E2F7: variants seen among roughly 807,000 people sequenced by gnomAD.
E2F7 encodes the protein E2F transcription factor 7, also known as transcription factor E2F7.
E2F7 carries 35 observed loss-of-function variants against 81.1 expected under a neutral mutation model. That is an observed-to-expected ratio of 0.43 (90% CI 0.33 to 0.57). E2F7 has a LOEUF of 0.57. Among genes scored for constraint, E2F7 ranks in the 20% least tolerant of loss-of-function variants. E2F7 has a pLI of 0.04. For missense variants in E2F7, 961 were observed against 1,093.7 expected, an observed-to-expected ratio of 0.88 and a Z score of 1.71; for synonymous variants, 416 against 416.2, an observed-to-expected ratio of 1.00 and a Z score of 0.01.
intron 5 of E2F7, among the ~76,000 whole-genome samples, chr12:77,045,374 G>A (rs558768637): frequency 1.3e-5 from 2 of 152,264 alleles, no homozygotes; most frequent in Admixed American, 6.5e-5. Flanking sequence ...TGTCTTCTCT[G>A]GTTATTAAGA....
In E2F7 at chr12:77,021,349, C is replaced by T. The variant is rs1399776270; in HGVS notation, c.*2666G>A. On this transcript the variant is annotated 3_prime_UTR_variant, in exon 13 of 13. Coordinates refer to ENST00000322886, the MANE Select transcript of E2F7 (RefSeq NM_203394.3). ...ACAAAAAATCAGTTTACATGTAGTA[C>T]AGTTACAAGTAAATAGCTATAGATA... is the stretch of plus-strand genomic sequence containing the variant. 1 of 152,320 alleles carries T rather than the reference C, an allele frequency of 6.6e-6. No individual in the cohort carries two copies. Among genetic ancestry groups the T allele is most frequent in the Non-Finnish European group, 1.5e-5 (1 of 67,994 alleles). 9.4% of individuals were successfully genotyped at this position (152,320 alleles called of 1,614,324 possible).
chr12:77,050,439 A>C, intron 4 of E2F7, 137 bp downstream of exon 4: 1 of 835,160 alleles, frequency 1.2e-6, no homozygotes, highest in Middle Eastern at 2.6e-4. Context: ...TTTGACGATG[A>C]CAAAGGAAGC....
At chr12:77,033,337 AC>A (rs1319939815) in intron 8 of E2F7, among the ~76,000 whole-genome samples, 1 of 151,820 alleles carries the variant, frequency 6.6e-6, no homozygotes, top group Non-Finnish European at 1.5e-5. Flanking sequence ...ACACAGGGAG[AC>A]CCCGTCTCTA....
intron 7 of E2F7, among the ~76,000 whole-genome samples, chr12:77,036,125 G>T (rs1954848023): frequency 6.6e-6 from 1 of 152,094 alleles, no homozygotes; most frequent in African/African-American, 2.4e-5. Context: ...TTAAGTAATG[G>T]CCGAAAATTT....
intron 2 of E2F7, among the ~76,000 whole-genome samples, chr12:77,060,333 A>G (rs1955068369): frequency 1.3e-5 from 2 of 152,136 alleles, no homozygotes; most frequent in African/African-American, 4.8e-5. Flanking sequence ...CAGAAGGTAA[A>G]AGCACTCTGT....
chr12:77,043,693 A>T (rs1315968171), intron 6 of E2F7, among the ~76,000 whole-genome samples: 2 of 152,122 alleles, frequency 1.3e-5, no homozygotes, highest in East Asian at 3.9e-4. Context: ...GTACAACTGT[A>T]CTAAAGACAG....
At position 77,023,811 on chromosome 12, in the gene E2F7, CAG is replaced by C. The variant is rs1414889430; in HGVS notation, c.*202_*203del. 5.1e-6 allele frequency: 3 copies of C among 590,212 alleles called. No homozygotes were observed. The highest frequency in any genetic ancestry group is 8.5e-6 in the Non-Finnish European group (3 of 352,214). The allele number at this position is 590,212 out of a possible 1,614,324, so 36.6% of individuals were successfully genotyped here. A position where few individuals can be genotyped will look rare whatever the true frequency, so the allele number is the denominator to read the frequency against. ...TCGGCGCTTTCACTGTGACACCATG[CAG>C]AGTCGGAACTCTAACTGGTATTAAA... is the stretch of plus-strand genomic sequence containing the variant. On this transcript the variant is annotated 3_prime_UTR_variant, in exon 13 of 13. Coordinates refer to ENST00000322886, the MANE Select transcript of E2F7 (RefSeq NM_203394.3).
chr12:77,025,433 C>T (rs770331627), intron 12 of E2F7, 125 bp downstream of exon 12: 1 of 1,076,974 alleles, frequency 9.3e-7, no homozygotes, highest in Non-Finnish European at 1.3e-6. Flanking sequence ...TCTAGGTCTA[C>T]AACGGAAGCC....
intron 2 of E2F7, 21 bp from the exon 3 acceptor site, chr12:77,056,151 T>A: frequency 6.4e-7 from 1 of 1,569,368 alleles, no homozygotes; most frequent in East Asian, 2.2e-5. Flanking sequence ...AAAGAAACTT[T>A]TAGCAAGAAT....
rs149718098 is a variant in E2F7 at position 77,057,716 on chromosome 12, G to A, written c.94-1586C>T. ...TTTGGAACTAACAAGTAATTAAAAC[G>A]TATCTTTCCCCTAAAAAAGTTTCAA... On this transcript the variant is annotated intron_variant, in intron 2 of 12. Transcript: ENST00000322886. 4.3e-4 allele frequency among the ~76,000 whole-genome samples: 66 copies of A among 152,236 alleles called. No individual in the cohort carries two copies. The East Asian group carries it at 9.3e-3, about 21-fold the overall frequency.
At position 77,022,466 on chromosome 12, in the gene E2F7, C is replaced by T. The variant is rs1414892983; in HGVS notation, c.*1549G>A. ...TGGGGGTAATAAGGCTAATATTATC[C>T]TGTAGTTAATATAAAGCTACTTTAT... On this transcript the variant is annotated 3_prime_UTR_variant, in exon 13 of 13. Coordinates refer to ENST00000322886, the MANE Select transcript of E2F7 (RefSeq NM_203394.3). 3 of 152,552 alleles carry T rather than the reference C, an allele frequency of 2.0e-5. No homozygotes were observed. The East Asian group carries it at 5.8e-4, about 29-fold the overall frequency. The allele number at this position is 152,552 out of a possible 1,614,324, so 9.4% of individuals were successfully genotyped here.
chr12:77,028,036 C>T lies in E2F7; in HGVS notation c.1987G>A (p.Glu663Lys). 1 of 1,614,222 alleles carries T rather than the reference C, an allele frequency of 6.2e-7. No individual in the cohort carries two copies. The highest frequency in any genetic ancestry group is 8.5e-7 in the Non-Finnish European group (1 of 1,180,044). Reference protein sequence around the residue: ...IHVNGQLPAAEEISGKATANS... With the variant: ...IHVNGQLPAAKEISGKATANS... ...GCTGTTGCCTTTCCTGAAATCTCTT[C>T]TGCAGCAGGGAGTTGGCCATTCACA... The change falls in exon 11 of 13, where the codon GAA becomes AAA. Residue 663 changes from glutamate (E) to lysine (K), a missense_variant. By Grantham distance (56) the Glu-to-Lys change is moderately conservative. Coordinates refer to ENST00000322886, the MANE Select transcript of E2F7 (RefSeq NM_203394.3).
intron 5 of E2F7, among the ~76,000 whole-genome samples, chr12:77,045,220 T>C (rs7311639): frequency 0.15 from 22,623 of 152,200 alleles, 2,010 homozygotes; most frequent in Non-Finnish European, 0.19. Flanking sequence ...GTCCGCAATA[T>C]CTAGACTATA....
rs1954941119 is a variant in E2F7, at chr12:77,046,244, C to T, written c.623G>A (p.Gly208Asp). ...TGGCAGGCTGTGCCGTCCATGCCAG[C>T]CATACTGATTCTTAGCCACCCGGCT... ...LVSRVAKNQY[G>D]WHGRHSLPKT... The change falls in exon 5 of 13, where the codon GGC becomes GAC. Residue 208 changes from glycine (G) to aspartate (D), a missense_variant. Physicochemically the swap from Gly to Asp is moderately conservative, Grantham distance 94. Around this residue, in one of 3 missense-constraint regions of E2F7, gnomAD observed 301 missense variants for 405.0 expected, o/e 0.74. Transcript: ENST00000322886. The T allele has an allele frequency of 6.2e-7, 1 of 1,614,198 alleles. No individual in the cohort carries two copies. Among genetic ancestry groups the T allele is most frequent in the Non-Finnish European group, 8.5e-7 (1 of 1,180,038 alleles).
chr12:77,043,678 C>T (rs1324032791), intron 6 of E2F7, among the ~76,000 whole-genome samples: 5 of 152,070 alleles, frequency 3.3e-5, no homozygotes, highest in Non-Finnish European at 7.3e-5. Flanking sequence ...TGCTCAAGGT[C>T]AACAGTACAA....
At chr12:77,032,354 C>T (rs1954814162) in intron 9 of E2F7, among the ~76,000 whole-genome samples, 1 of 152,248 alleles carries the variant, frequency 6.6e-6, no homozygotes. Flanking sequence ...CAAACCATGA[C>T]AGCAAAACGA....
rs1331684121 is a variant in E2F7, at chr12:77,025,610, G to C, written c.2513C>G (p.Pro838Arg). The change falls in exon 12 of 13, where the codon CCT becomes CGT. Residue 838 changes from proline (P) to arginine (R), a missense_variant. Physicochemically the swap from Pro to Arg is moderately radical, Grantham distance 103. This residue lies in a region of E2F7 where 587 missense variants were observed against 620.3 expected (regional missense o/e 0.95). Transcript: ENST00000322886. ...MSRSHSVVQQ[P>R]ESPVYVGHPV... is the part of the protein sequence containing the mutation. ...ATGTCCCACGTAAACGGGGGACTCA[G>C]GTTGTTGGACGACACTGTGTGACCT... The C allele has an allele frequency of 1.9e-6, 3 of 1,614,228 alleles. No individual in the cohort carries two copies. Among genetic ancestry groups the C allele is most frequent in the South Asian group, 1.1e-5 (1 of 91,082 alleles).
chr12:77,059,626 G>A (rs1955062342), intron 2 of E2F7, among the ~76,000 whole-genome samples: 2 of 152,104 alleles, frequency 1.3e-5, no homozygotes, highest in Admixed American at 6.5e-5. Flanking sequence ...GAAGACAGCT[G>A]ACTTGTCCAA....
In E2F7 at chr12:77,023,346, C is replaced by G. The variant is rs946531799; in HGVS notation, c.*669G>C. 2 of 152,648 alleles carry G rather than the reference C, an allele frequency of 1.3e-5. No individual in the cohort carries two copies. The highest frequency in any genetic ancestry group is 4.8e-5 in the African/African-American group (2 of 41,448). 9.5% of individuals were successfully genotyped at this position (152,648 alleles called of 1,614,324 possible). A position where few individuals can be genotyped will look rare whatever the true frequency, so the allele number is the denominator to read the frequency against. On this transcript the variant is annotated 3_prime_UTR_variant, in exon 13 of 13. Coordinates refer to ENST00000322886, the MANE Select transcript of E2F7 (RefSeq NM_203394.3). ...TTCATTTACAGCAAGGTGTGTCATT[C>G]ACAGTTATTTTGGTCTTGACATGTG... is the stretch of plus-strand genomic sequence containing the variant.
Sources: allele counts gnomAD v4.1 joint callset (sites outside exome capture counted in the v4.1 genomes callset), GRCh38; gene constraint gnomAD v4.1.1; regional missense constraint gnomAD v4.1.1; transcripts MANE v1.5; gene names NCBI Gene and HGNC (gene_info 2026-07-23, HGNC 2026-07-21).